Variants in SLC14A2 observed in about 807,000 individuals in gnomAD.
The protein encoded by SLC14A2 is urea transporter 2.
SLC14A2 carries 91 observed loss-of-function variants against 104.6 expected under a neutral mutation model. That is an observed-to-expected ratio of 0.87 (90% CI 0.73 to 1.04). The LOEUF (loss-of-function observed/expected upper bound fraction) is 1.04, where lower values mean the gene tolerates loss of function less well. Among genes scored for constraint, SLC14A2 ranks in the 50% least tolerant of loss-of-function variants. The pLI, the probability that SLC14A2 is intolerant of heterozygous loss-of-function variation, is 0.00. For missense variants in SLC14A2, 1,189 were observed against 1,156.0 expected, an observed-to-expected ratio of 1.03 and a Z score of -0.41; for synonymous variants, 476 against 466.4, an observed-to-expected ratio of 1.02 and a Z score of -0.27.
intron 2 of SLC14A2, among the ~76,000 whole-genome samples, chr18:45,572,501 T>C (rs977263374): frequency 6.6e-6 from 1 of 152,214 alleles, no homozygotes; most frequent in East Asian, 1.9e-4. Context: ...GATCTACTCA[T>C]TGTCTTCACT....
the SLC14A2 span, among the ~76,000 whole-genome samples, chr18:45,195,431 G>T: frequency 6.6e-6 from 1 of 152,072 alleles, no homozygotes; most frequent in South Asian, 2.1e-4. Context: ...TTGCTCTGTT[G>T]CCCAGGCTGG....
chr18:45,677,065 GAGAC>G (rs934276825), intron 18 of SLC14A2, among the ~76,000 whole-genome samples: 4 of 152,126 alleles, frequency 2.6e-5, no homozygotes, highest in African/African-American at 9.7e-5. Flanking sequence ...CACATCACCT[GAGAC>G]AGACAGTTTT....
In SLC14A2 at chr18:45,668,354, C is replaced by T; in HGVS notation, c.1913C>T (p.Ala638Val). The T allele has an allele frequency of 6.2e-7, 1 of 1,614,024 alleles. No individual in the cohort carries two copies. Among genetic ancestry groups the T allele is most frequent in the Non-Finnish European group, 8.5e-7 (1 of 1,179,964 alleles). ...TALILSQDKS[A>V]IAAGFHGYNG... ...GACCCTCCCTCTCCTGCCAGGTCGG[C>T]CATCGCTGCAGGATTTCACGGCTAC... Residue 638 changes from alanine to valine, a missense_variant, in exon 15 of 20, where the codon GCC (alanine) becomes GTC (valine). Ala to Val is a moderately conservative substitution (Grantham distance 64). Coordinates refer to ENST00000255226, the MANE Select transcript of SLC14A2 (RefSeq NM_007163.4).
chr18:45,601,065 C>T (rs722383), intron 2 of SLC14A2, among the ~76,000 whole-genome samples: 102,844 of 152,016 alleles, frequency 0.68, 35,324 homozygotes, highest in East Asian at 0.85. Context: ...GAGCCTCATC[C>T]TTACCACTTC....
upstream of SLC14A2, among the ~76,000 whole-genome samples, chr18:45,209,903 C>A (rs946857581): frequency 9.9e-5 from 15 of 152,182 alleles, no homozygotes; most frequent in Non-Finnish European, 2.2e-4. Context: ...CTACTGGAAA[C>A]AAGGTCAAGC....
At position 45,648,195 on chromosome 18, in the gene SLC14A2, C is replaced by CTTTTTTTTTTTTTTTT. The variant is rs59843067; in HGVS notation, c.1351+4048_1351+4063dup. Reference sequence around the variant, plus strand: ...GTTACCCTCTTTATTCTAGTTAATGCTTTTTTTTTTTTTTTTTTTTTTTTT... The same window carrying CTTTTTTTTTTTTTTTT: ...GTTACCCTCTTTATTCTAGTTAATGCTTTTTTTTTTTTTTTTTTTTTTTTTTTTTTTTTTTTTTTTT... On this transcript the variant is annotated intron_variant, in intron 10 of 19. Coordinates refer to ENST00000255226, the MANE Select transcript of SLC14A2 (RefSeq NM_007163.4). Among the ~76,000 whole-genome samples, 19 of 101,248 alleles carry CTTTTTTTTTTTTTTTT rather than the reference C, an allele frequency of 1.9e-4. 3 individuals are homozygous for CTTTTTTTTTTTTTTTT. Among genetic ancestry groups the CTTTTTTTTTTTTTTTT allele is most frequent in the African/African-American group, 6.2e-4 (16 of 25,950 alleles). The allele number at this position is 101,248 out of a possible 152,430, so 66.4% of individuals were successfully genotyped here. A position where few individuals can be genotyped will look rare whatever the true frequency, so the allele number is the denominator to read the frequency against.
intron 1 of SLC14A2, among the ~76,000 whole-genome samples, chr18:45,290,374 C>T (rs924295872): frequency 6.6e-6 from 1 of 152,200 alleles, no homozygotes; most frequent in East Asian, 1.9e-4. Context: ...AACTAGATTT[C>T]TCCTGAGACT....
intron 2 of SLC14A2, among the ~76,000 whole-genome samples, chr18:45,519,890 C>G (rs1036172299): frequency 1.3e-5 from 2 of 152,166 alleles, no homozygotes; most frequent in African/African-American, 4.8e-5. Context: ...GACTCCTACA[C>G]TAGGAATTAA....
intron 7 of SLC14A2, among the ~76,000 whole-genome samples, chr18:45,640,992 C>A (rs1599104331): frequency 6.6e-6 from 1 of 152,210 alleles, no homozygotes; most frequent in Admixed American, 6.5e-5. Context: ...CCAAGTGAAG[C>A]CTGTGGCTTT....
chr18:45,535,914 C>T (rs774065246), intron 2 of SLC14A2, among the ~76,000 whole-genome samples: 9 of 152,066 alleles, frequency 5.9e-5, no homozygotes, highest in Non-Finnish European at 1.3e-4. Context: ...GCCCTAAGGA[C>T]ATTTAATCAA....
chr18:45,360,345 G>A (rs1285245448), intron 1 of SLC14A2, among the ~76,000 whole-genome samples: 1 of 152,200 alleles, frequency 6.6e-6, no homozygotes, highest in African/African-American at 2.4e-5. Flanking sequence ...AGACTCAAGG[G>A]TCTTCTATTT....
chr18:45,510,757 C>G (rs1055453441), intron 2 of SLC14A2, among the ~76,000 whole-genome samples: 2 of 151,934 alleles, frequency 1.3e-5, no homozygotes, highest in African/African-American at 4.8e-5. Flanking sequence ...GGAGAGGTGA[C>G]AGTTCCCTAG....
chr18:45,416,649 G>A (rs2086281047), intron 1 of SLC14A2, among the ~76,000 whole-genome samples: 1 of 152,130 alleles, frequency 6.6e-6, no homozygotes, highest in Non-Finnish European at 1.5e-5. Context: ...AAGGCTTAAT[G>A]AGAGAAGGAT....
chr18:45,290,432 G>A (rs1303526404), intron 1 of SLC14A2, among the ~76,000 whole-genome samples: 2 of 152,336 alleles, frequency 1.3e-5, no homozygotes, highest in South Asian at 4.1e-4. Context: ...CATTTGATGG[G>A]TTGGGCTTAT....
At chr18:45,408,562 G>A (rs188286531) in intron 1 of SLC14A2, among the ~76,000 whole-genome samples, 5 of 152,236 alleles carry the variant, frequency 3.3e-5, no homozygotes, top group Non-Finnish European at 4.4e-5. Flanking sequence ...TGCTTCTCAC[G>A]TGGTAATTGA....
At chr18:45,547,815 G>A (rs551225946) in intron 2 of SLC14A2, among the ~76,000 whole-genome samples, 37 of 152,332 alleles carry the variant, frequency 2.4e-4, no homozygotes, top group South Asian at 8.3e-4. Context: ...CCAGGAAGAC[G>A]TTTTTATAGA....
intron 1 of SLC14A2, among the ~76,000 whole-genome samples, chr18:45,243,336 A>C (rs1185527297): frequency 6.6e-6 from 1 of 152,214 alleles, no homozygotes; most frequent in African/African-American, 2.4e-5. Context: ...TAGTCTTCTC[A>C]GCCATTTTCA....
At chr18:45,259,612 A>AT (rs887868164) in intron 1 of SLC14A2, among the ~76,000 whole-genome samples, 2 of 152,190 alleles carry the variant, frequency 1.3e-5, no homozygotes, top group South Asian at 2.1e-4. Flanking sequence ...TTGAATGAAG[A>AT]TTTTTTTTCC....
At chr18:45,415,315 C>A (rs2086265574) in intron 1 of SLC14A2, among the ~76,000 whole-genome samples, 1 of 152,078 alleles carries the variant, frequency 6.6e-6, no homozygotes, top group African/African-American at 2.4e-5. Context: ...TACGACTGAG[C>A]ACTTCTGTAT....
Sources: gnomAD v4.1 joint callset for allele counts (sites outside exome capture counted in the v4.1 genomes callset) on GRCh38, gnomAD v4.1.1 for gene constraint, MANE v1.5 for transcripts, NCBI Gene and HGNC (gene_info 2026-07-23, HGNC 2026-07-21) for gene names.